Variants in HIVEP3 observed in about 807,000 individuals in gnomAD.
HIVEP3 encodes the protein transcription factor HIVEP3.
A neutral mutation model predicts 152.8 loss-of-function variants in HIVEP3; 49 were observed. The observed-to-expected ratio is 0.32, with a 90% CI of 0.26 to 0.41. The LOEUF (loss-of-function observed/expected upper bound fraction) is 0.41. Among genes scored for constraint, HIVEP3 ranks in the 10% least tolerant of loss-of-function variants. HIVEP3 has a pLI of 1.00. For missense variants in HIVEP3, 2,790 were observed against 3,103.3 expected (o/e 0.90, Z 2.40); for synonymous variants, 1,269 against 1,289.0 (o/e 0.98, Z 0.33).
At position 41,584,629 on chromosome 1, in the gene HIVEP3, G is replaced by T. The variant is rs746078052; in HGVS notation, c.169C>A (p.Gln57Lys). The change falls in exon 4 of 9, where the codon CAG becomes AAG. Residue 57 changes from glutamine to lysine, a missense_variant. By Grantham distance (53) the Gln-to-Lys change is moderately conservative (BLOSUM62 1). This residue lies in a region of HIVEP3 where 209 missense variants were observed against 237.0 expected (regional missense o/e 0.88). Transcript: ENST00000372583. This position sits in a 1 kb window ranked among gnomAD's most constrained non-coding sequence, Gnocchi z 5.2. ...ACTGATGAGGGGCCCGGGAAGGGCTGCGGGGCTAAGAGCTCTTGGGCGGGG... is the reference window on the plus strand; with the variant it reads ...ACTGATGAGGGGCCCGGGAAGGGCTTCGGGGCTAAGAGCTCTTGGGCGGGG... ...ESPAQELLAP[Q>K]PFPGPSSVLR... 6.2e-7 allele frequency: 1 copy of T among 1,607,774 alleles called. No homozygotes were observed. The highest frequency in any genetic ancestry group is 8.5e-7 in the Non-Finnish European group (1 of 1,176,294).
chr1:41,583,985 T>C lies in HIVEP3; in HGVS notation c.813A>G (p.Glu271=). Residue 271 remains glutamate (E), a synonymous_variant, in exon 4 of 9, where the codon GAA becomes GAG. Coordinates refer to ENST00000372583, the MANE Select transcript of HIVEP3 (RefSeq NM_024503.5). This position sits in a 1 kb window ranked among gnomAD's most constrained non-coding sequence, Gnocchi z 6.9. The part of the protein sequence containing the change: ...HGLEMERIPG[E]EFEEPTEGES... ...CTCCCTCAGTGGGCTCCTCAAACTC[T>C]TCCCCAGGGATCCGCTCCATCTCCA... 6.2e-7 allele frequency: 1 copy of C among 1,614,184 alleles called. No individual in the cohort carries two copies. Among genetic ancestry groups the C allele is most frequent in the Non-Finnish European group, 8.5e-7 (1 of 1,180,038 alleles).
intron 1 of HIVEP3, among the ~76,000 whole-genome samples, chr1:41,725,154 G>T (rs1483747083): frequency 6.6e-6 from 1 of 152,202 alleles, no homozygotes; most frequent in Non-Finnish European, 1.5e-5. Context: ...ATCTTTGAAT[G>T]AAACAGCTGA....
At chr1:41,660,126 C>T (rs956443895) in intron 2 of HIVEP3, among the ~76,000 whole-genome samples, 2 of 152,018 alleles carry the variant, frequency 1.3e-5, no homozygotes, top group Non-Finnish European at 2.9e-5. Flanking sequence ...GGTGTGTGCA[C>T]GTGTAGGAAC....
intron 1 of HIVEP3, among the ~76,000 whole-genome samples, chr1:41,951,781 C>G (rs2124491802): frequency 6.6e-6 from 1 of 152,212 alleles, no homozygotes. Flanking sequence ...TGAGAACTCA[C>G]TCACTACCAT....
chr1:41,673,190 GC>G (rs1558167872), intron 2 of HIVEP3, among the ~76,000 whole-genome samples: 1 of 152,206 alleles, frequency 6.6e-6, no homozygotes, highest in African/African-American at 2.4e-5. Flanking sequence ...TCCTGGAACA[GC>G]CGGCTAGCTG....
At chr1:42,006,925 A>G (rs1645463134) in intron 1 of HIVEP3, among the ~76,000 whole-genome samples, 1 of 152,210 alleles carries the variant, frequency 6.6e-6, no homozygotes, top group Non-Finnish European at 1.5e-5. Context: ...TGAGACTGAG[A>G]GAGAGGAAGT....
intron 1 of HIVEP3, among the ~76,000 whole-genome samples, chr1:41,802,252 G>A (rs1296457097): frequency 6.6e-6 from 1 of 152,174 alleles, no homozygotes; most frequent in East Asian, 1.9e-4. Flanking sequence ...GTCTTGCTCT[G>A]TTGCTCAGGC....
chr1:41,692,199 C>T (rs554107671), intron 2 of HIVEP3, among the ~76,000 whole-genome samples: 5 of 152,310 alleles, frequency 3.3e-5, no homozygotes, highest in East Asian at 3.9e-4. Context: ...CTGAATGAGG[C>T]GACCTTCTGC....
chr1:41,779,945 C>A (rs1648941675), intron 1 of HIVEP3, among the ~76,000 whole-genome samples: 3 of 152,226 alleles, frequency 2.0e-5, no homozygotes, highest in Admixed American at 1.3e-4. Flanking sequence ...TCTCTCTAAA[C>A]CTCATTTCCC....
At chr1:41,528,343 C>CTT (rs1643085900) in intron 5 of HIVEP3, among the ~76,000 whole-genome samples, 1 of 131,646 alleles carries the variant, frequency 7.6e-6, no homozygotes, top group Non-Finnish European at 1.6e-5. Flanking sequence ...TCACACTCGC[C>CTT]CTCACACTCC....
At chr1:41,824,323 C>A (rs1642694292) in intron 1 of HIVEP3, among the ~76,000 whole-genome samples, 1 of 152,168 alleles carries the variant, frequency 6.6e-6, no homozygotes, top group African/African-American at 2.4e-5. Flanking sequence ...CATTTACTTT[C>A]CACAGTTCCT....
chr1:41,735,631 T>A (rs529067318), intron 1 of HIVEP3, among the ~76,000 whole-genome samples: 4 of 152,208 alleles, frequency 2.6e-5, no homozygotes, highest in African/African-American at 9.6e-5. Context: ...GCTGGCAGGC[T>A]GGAGATATGT....
At chr1:41,982,993 T>G (rs1219476618) in intron 1 of HIVEP3, among the ~76,000 whole-genome samples, 1 of 152,220 alleles carries the variant, frequency 6.6e-6, no homozygotes, top group Non-Finnish European at 1.5e-5. Flanking sequence ...GATGAAACTG[T>G]TCCACCACAG....
At chr1:41,652,753 T>C (rs111593435) in intron 2 of HIVEP3, among the ~76,000 whole-genome samples, 4,265 of 152,324 alleles carry the variant, frequency 0.028, 79 homozygotes, top group Middle Eastern at 0.054. Context: ...CCTGTGTATA[T>C]GCAGGTGCTG....
intron 3 of HIVEP3, among the ~76,000 whole-genome samples, chr1:41,612,928 C>T (rs987131790): frequency 6.6e-6 from 1 of 152,222 alleles, no homozygotes; most frequent in African/African-American, 2.4e-5. Flanking sequence ...TTCTTGTTTG[C>T]CACACAGAAA....
chr1:41,933,544 C>T (rs1645005230), intron 1 of HIVEP3, among the ~76,000 whole-genome samples: 1 of 151,952 alleles, frequency 6.6e-6, no homozygotes, highest in Non-Finnish European at 1.5e-5. Context: ...TACTTTTAAC[C>T]TATCTGTCTT....
intron 3 of HIVEP3, among the ~76,000 whole-genome samples, chr1:41,605,367 GCACACGCGCACACACACACA>G (rs1245181769): frequency 4.3e-4 from 48 of 111,734 alleles, no homozygotes; most frequent in African/African-American, 1.8e-3. Context: ...ATACACACAC[GCACACGCGCACACACACACA>G]CACACACACA....
intron 2 of HIVEP3, among the ~76,000 whole-genome samples, chr1:41,647,177 C>T (rs1645473594): frequency 6.6e-6 from 1 of 152,204 alleles, no homozygotes; most frequent in African/African-American, 2.4e-5. Flanking sequence ...TCCCCTTTGC[C>T]CTGGAACCCA....
chr1:41,833,223 A>C (rs1384858263), intron 1 of HIVEP3, among the ~76,000 whole-genome samples: 2 of 152,204 alleles, frequency 1.3e-5, no homozygotes, highest in Non-Finnish European at 2.9e-5. Context: ...TGGCTCTAAA[A>C]GTGGGGTCCA....
Sources: gnomAD v4.1 joint callset for allele counts (sites outside exome capture counted in the v4.1 genomes callset) on GRCh38, gnomAD v4.1.1 for gene constraint, gnomAD v4.1.1 regional missense constraint, Gnocchi (gnomAD v3.1) non-coding constraint, MANE v1.5 for transcripts, NCBI Gene and HGNC (gene_info 2026-07-23, HGNC 2026-07-21) for gene names.